SMARCC1: variants seen among roughly 807,000 people sequenced by gnomAD.
SMARCC1 encodes SWI/SNF related BAF chromatin remodeling complex subunit C1.
In SMARCC1, 43 loss-of-function variants were observed where a neutral mutation model predicts 147.4. The observed-to-expected ratio is 0.29, with a 90% CI of 0.23 to 0.38. The LOEUF (loss-of-function observed/expected upper bound fraction) is 0.38, where lower values mean the gene tolerates loss of function less well. Ranked by LOEUF, SMARCC1 falls within the 10% of genes least tolerant of loss-of-function variation. The pLI is 1.00. For missense variants in SMARCC1, 1,119 were observed against 1,381.1 expected (o/e 0.81, Z 3.01); for synonymous variants, 495 against 484.4 (o/e 1.02, Z -0.29).
intron 2 of SMARCC1, among the ~76,000 whole-genome samples, chr3:47,752,318 T>C (rs1173105175): frequency 6.6e-6 from 1 of 152,164 alleles, no homozygotes; most frequent in Non-Finnish European, 1.5e-5. Flanking sequence ...AGAAACTTCT[T>C]AGAGACATTC....
intron 3 of SMARCC1, among the ~76,000 whole-genome samples, chr3:47,742,503 G>A (rs1233709066): frequency 1.3e-5 from 2 of 152,104 alleles, no homozygotes; most frequent in Admixed American, 1.3e-4. Context: ...TATCCTTCAG[G>A]AGAAAAACCA....
intron 26 of SMARCC1, among the ~76,000 whole-genome samples, chr3:47,596,574 A>T (rs978519829): frequency 8.6e-5 from 13 of 151,568 alleles, no homozygotes; most frequent in African/African-American, 2.2e-4. Context: ...CTCAAAAAAA[A>T]AAAAATAAAT....
At position 47,675,584 on chromosome 3, in the gene SMARCC1, G is replaced by A. The variant is rs1401298888; in HGVS notation, c.1730C>T (p.Pro577Leu). The A allele has an allele frequency of 1.3e-6, 2 of 1,541,880 alleles. No homozygotes were observed. Among genetic ancestry groups the A allele is most frequent in the African/African-American group, 1.4e-5 (1 of 73,662 alleles). The change falls in exon 18 of 28, where the codon CCT (proline) becomes CTT (leucine). Residue 577 changes from proline (P) to leucine (L), a missense_variant. Transcript: ENST00000254480. ...AAAATTTAGCATCTGTTGAGCAGCA[G>A]GAACCTGAGTCAAATAAATGATAAA... ...VPLHLRSPQV[P>L]AAQQMLNFPE... is the part of the protein sequence containing the mutation.
rs1387462287 is a variant in SMARCC1 at position 47,701,295 on chromosome 3, A to G, written c.1148T>C (p.Val383Ala). The G allele has an allele frequency of 1.2e-6, 2 of 1,612,772 alleles. No homozygotes were observed. Among genetic ancestry groups the G allele is most frequent in the African/African-American group, 1.3e-5 (1 of 75,000 alleles). Residue 383 changes from valine (V) to alanine (A), a missense_variant, in exon 11 of 28, where the codon GTA (valine) becomes GCA (alanine). By Grantham distance (64) the Val-to-Ala change is moderately conservative. Transcript: ENST00000254480. ...DPTPVPNIEE[V>A]VLPKNVNLKK... The stretch of plus-strand genomic sequence containing the variant: ...ATACAAACCATTTTTGGGAAGTACT[A>G]CTTCTTCTATATTGGGTACAGGTGT...
chr3:47,730,091 A>G (rs2034351318), intron 5 of SMARCC1, among the ~76,000 whole-genome samples: 1 of 152,210 alleles, frequency 6.6e-6, no homozygotes, highest in Non-Finnish European at 1.5e-5. Context: ...AGGCAGAAGA[A>G]TCACTTGAGC....
intron 2 of SMARCC1, among the ~76,000 whole-genome samples, chr3:47,766,333 A>G (rs1321190117): frequency 6.6e-6 from 1 of 151,928 alleles, no homozygotes; most frequent in Non-Finnish European, 1.5e-5. Flanking sequence ...TGGGGGGCCA[A>G]GGCGGAAAGA....
At chr3:47,719,627 C>T (rs990131696) in intron 7 of SMARCC1, among the ~76,000 whole-genome samples, 2 of 151,968 alleles carry the variant, frequency 1.3e-5, no homozygotes, top group African/African-American at 4.8e-5. Context: ...CACTTGAACC[C>T]AGGAGGTGGA....
At chr3:47,628,055 A>T (rs184154537) in intron 24 of SMARCC1, among the ~76,000 whole-genome samples, 2,144 of 149,586 alleles carry the variant, frequency 0.014, 25 homozygotes, top group Non-Finnish European at 0.022. Context: ...CTATATATAT[A>T]TATATTTTTT....
chr3:47,610,243 G>T lies in SMARCC1; in HGVS notation c.2866C>A (p.Gln956Lys). Reference protein sequence around the residue: ...QLKYAELRARQQMEQQQHGQN... With the variant: ...QLKYAELRARKQMEQQQHGQN... ...CCATGCTGCTGCTGTTCCATTTGCT[G>T]TCGTGCTCGTAATTCAGCATACTTC... The change falls in exon 26 of 28, where the codon CAG (glutamine) becomes AAG (lysine). Residue 956 changes from glutamine to lysine, a missense_variant. Gln to Lys is a moderately conservative substitution (Grantham distance 53). Coordinates refer to ENST00000254480, the MANE Select transcript of SMARCC1 (RefSeq NM_003074.4). The T allele has an allele frequency of 6.2e-7, 1 of 1,614,208 alleles. No individual in the cohort carries two copies. The highest frequency in any genetic ancestry group is 8.5e-7 in the Non-Finnish European group (1 of 1,180,042).
intron 24 of SMARCC1, among the ~76,000 whole-genome samples, chr3:47,628,776 G>C (rs1320626309): frequency 6.6e-6 from 1 of 152,128 alleles, no homozygotes; most frequent in Non-Finnish European, 1.5e-5. Context: ...GTGTTGGCCA[G>C]GCTGGTCTTG....
At chr3:47,700,286 T>C (rs1403146050) in intron 11 of SMARCC1, among the ~76,000 whole-genome samples, 2 of 152,208 alleles carry the variant, frequency 1.3e-5, no homozygotes, top group Non-Finnish European at 2.9e-5. Context: ...ATGATTAGTA[T>C]GAGACCTGTA....
In SMARCC1 at chr3:47,635,219, C is replaced by A. The variant is rs1302502185; in HGVS notation, c.2617G>T (p.Ala873Ser). 6.2e-7 allele frequency: 1 copy of A among 1,613,712 alleles called. No homozygotes were observed. The highest frequency in any genetic ancestry group is 8.5e-7 in the Non-Finnish European group (1 of 1,179,974). Reference sequence around the variant, plus strand: ...GCTTTGGTAGCCGCTGAGGCAAGAGCAGCTGCTGCGGCTGTGGCAACATTT... The same window carrying A: ...GCTTTGGTAGCCGCTGAGGCAAGAGAAGCTGCTGCGGCTGTGGCAACATTT... Reference protein sequence around the residue: ...EGNVATAAAAALASAATKAKH... With the variant: ...EGNVATAAAASLASAATKAKH... The change falls in exon 24 of 28, where the codon GCT (alanine) becomes TCT (serine). Residue 873 changes from alanine (A) to serine (S), a missense_variant. This residue lies in a region of SMARCC1 where 42 missense variants were observed against 89.4 expected (regional missense o/e 0.47). Transcript: ENST00000254480.
chr3:47,668,012 A>G (rs1311186187), intron 19 of SMARCC1, among the ~76,000 whole-genome samples: 5 of 152,198 alleles, frequency 3.3e-5, no homozygotes, highest in Admixed American at 2.6e-4. Flanking sequence ...CCCTGCCTCT[A>G]TATTAAATAA....
In SMARCC1 at chr3:47,689,502, G is replaced by A; in HGVS notation, c.1226-78C>T. 3 of 1,165,028 alleles carry A rather than the reference G, an allele frequency of 2.6e-6. No homozygotes were observed. In the East Asian group the frequency reaches 7.0e-5, roughly 27 times the overall value. The allele number at this position is 1,165,028 out of a possible 1,614,324, so 72.2% of individuals were successfully genotyped here. A position where few individuals can be genotyped will look rare whatever the true frequency, so the allele number is the denominator to read the frequency against. On this transcript the variant is annotated intron_variant, in intron 12 of 27. Coordinates refer to ENST00000254480, the MANE Select transcript of SMARCC1 (RefSeq NM_003074.4). Reference sequence around the variant, plus strand: ...GTTATTTGGAAAATTAATGGTCTAAGAACTGATACTGGACAGAGAAAAGGA... The same window carrying A: ...GTTATTTGGAAAATTAATGGTCTAAAAACTGATACTGGACAGAGAAAAGGA...
chr3:47,690,398 G>C (rs2033776634), intron 12 of SMARCC1, among the ~76,000 whole-genome samples: 2 of 152,198 alleles, frequency 1.3e-5, no homozygotes, highest in Non-Finnish European at 2.9e-5. Flanking sequence ...TGGTGTCTCT[G>C]AAAAGGTGGC....
At chr3:47,652,950 T>TC in intron 21 of SMARCC1, among the ~76,000 whole-genome samples, 1 of 22,426 alleles carries the variant, frequency 4.5e-5, no homozygotes, top group Admixed American at 4.7e-4. Context: ...CTTTACTTTC[T>TC]TTTTTTTTTT....
chr3:47,611,643 C>T (rs895528099), intron 25 of SMARCC1, among the ~76,000 whole-genome samples: 2 of 152,140 alleles, frequency 1.3e-5, no homozygotes, highest in East Asian at 3.8e-4. Flanking sequence ...TGTGGATAAA[C>T]ACTACACACT....
intron 25 of SMARCC1, among the ~76,000 whole-genome samples, chr3:47,614,122 G>A (rs796985815): frequency 1.3e-5 from 2 of 152,314 alleles, no homozygotes; most frequent in South Asian, 2.1e-4. Flanking sequence ...TATCAGTGAT[G>A]AGAAATTCAC....
At position 47,781,624 on chromosome 3, in the gene SMARCC1, C is replaced by G. The variant is rs757334717; in HGVS notation, c.174G>C (p.Trp58Cys). Residue 58 changes from tryptophan (W) to cysteine (C), a missense_variant, in exon 1 of 28, where the codon TGG (tryptophan) becomes TGC (cysteine). Physicochemically the swap from Trp to Cys is radical, Grantham distance 215 (BLOSUM62 -2). Around this residue, in one of 6 missense-constraint regions of SMARCC1, gnomAD observed 542 missense variants for 611.8 expected, o/e 0.89. Coordinates refer to ENST00000254480, the MANE Select transcript of SMARCC1 (RefSeq NM_003074.4). ...CCACCTTCTTGTAGTGCTTGCCCAG[C>G]CAGACCCGCACCGAATCCAGCTGGG... ...TVSQLDSVRVWLGKHYKKYVH... is the reference protein window; with the variant it reads ...TVSQLDSVRVCLGKHYKKYVH... 2.6e-6 allele frequency: 4 copies of G among 1,553,556 alleles called. No individual in the cohort carries two copies. Among genetic ancestry groups the G allele is most frequent in the Non-Finnish European group, 3.5e-6 (4 of 1,154,184 alleles).
Sources: gnomAD v4.1 joint callset for allele counts (sites outside exome capture counted in the v4.1 genomes callset) on GRCh38, gnomAD v4.1.1 for gene constraint, gnomAD v4.1.1 regional missense constraint, MANE v1.5 for transcripts, NCBI Gene and HGNC (gene_info 2026-07-23, HGNC 2026-07-21) for gene names.